Variants in SCMH1 observed in about 807,000 individuals in gnomAD.
SCMH1 encodes polycomb protein SCMH1.
Under a neutral mutation model 70.8 loss-of-function variants are expected in SCMH1, and 37 were observed. The ratio of observed to expected loss-of-function variants is 0.52; its 90% CI spans 0.40 to 0.69. The LOEUF (loss-of-function observed/expected upper bound fraction) is 0.69, where lower values mean the gene tolerates loss of function less well. SCMH1 is among the 30% of genes least tolerant of loss of function. The pLI, the probability that SCMH1 is intolerant of heterozygous loss-of-function variation, is 0.00. For missense variants in SCMH1, 607 were observed against 827.3 expected, an observed-to-expected ratio of 0.73 and a Z score of 3.27; for synonymous variants, 292 against 307.4, an observed-to-expected ratio of 0.95 and a Z score of 0.52.
At chr1:41,033,864 A>G (rs1295551805) in intron 13 of SCMH1, 119 bp downstream of exon 14, 4 of 1,433,196 alleles carry the variant, frequency 2.8e-6, no homozygotes, top group Non-Finnish European at 1.9e-6. Context: ...AAAATTGGAG[A>G]TGCTTAGGGA....
In SCMH1 at chr1:41,161,501, G is replaced by A. The variant is rs553945516; in HGVS notation, c.14-69C>T. On this transcript the variant is annotated intron_variant, in intron 2 of 14. Transcript: ENST00000337495. Reference sequence around the variant, plus strand: ...GATTAAATACTTTTCCAATTTGGCAGTATGTATTAACAGTTTTTAATAAAG... The same window carrying A: ...GATTAAATACTTTTCCAATTTGGCAATATGTATTAACAGTTTTTAATAAAG... 117 of 1,488,152 alleles carry A rather than the reference G, an allele frequency of 7.9e-5. No individual in the cohort carries two copies. In the South Asian group the frequency reaches 1.4e-3, roughly 18 times the overall value. The allele number at this position is 1,488,152 out of a possible 1,614,324, so 92.2% of individuals were successfully genotyped here. A position where few individuals can be genotyped will look rare whatever the true frequency, so the allele number is the denominator to read the frequency against.
intron 1 of SCMH1, among the ~76,000 whole-genome samples, chr1:41,208,418 G>A (rs1399556450): frequency 8.6e-6 from 1 of 116,366 alleles, no homozygotes; most frequent in Non-Finnish European, 1.8e-5. Context: ...CTAAAACTTA[G>A]AGTATAAGAA....
intron 1 of SCMH1, among the ~76,000 whole-genome samples, chr1:41,210,148 C>T (rs187068356): frequency 2.0e-5 from 3 of 152,278 alleles, no homozygotes; most frequent in African/African-American, 7.2e-5. Flanking sequence ...ATCCAACTTA[C>T]AAGGGATGTG....
chr1:41,089,160 T>C (rs967224608), intron 8 of SCMH1, among the ~76,000 whole-genome samples: 30 of 152,368 alleles, frequency 2.0e-4, no homozygotes, highest in African/African-American at 7.2e-4. Flanking sequence ...CTTTAAATTC[T>C]ACCTATAATT....
chr1:41,028,055 T>C, exon 15 of SCMH1: 1 of 964,550 alleles, frequency 1.0e-6, no homozygotes. Context: ...TGGCTAGGAG[T>C]GGTGGCTCCA....
exon 6 of SCMH1, chr1:41,143,022 C>T: frequency 6.2e-7 from 1 of 1,614,166 alleles, no homozygotes; most frequent in Non-Finnish European, 8.5e-7. Flanking sequence ...AGTCCAACTA[C>T]TGTGGCAATA....
chr1:41,037,488 C>CT lies in SCMH1; in HGVS notation c.1551dup (p.Asp518ArgfsTer77), dbSNP rs780807754. ...GGATTTGAGGCAGAGTCCATTGAGTCTGAGTGTGGTTCCAAGGAGCGGGCC... is the reference window on the plus strand; with the variant it reads ...GGATTTGAGGCAGAGTCCATTGAGTCTTGAGTGTGGTTCCAAGGAGCGGGCC... On this transcript the variant is annotated frameshift_variant, in exon 13 of 15. Coordinates refer to ENST00000337495, the Ensembl canonical transcript of SCMH1. LOFTEE classifies it high-confidence loss of function. The CT allele has an allele frequency of 6.2e-7, 1 of 1,614,232 alleles. No individual in the cohort carries two copies. The highest frequency in any genetic ancestry group is 8.5e-7 in the Non-Finnish European group (1 of 1,180,040).
rs534014591 is a variant in SCMH1, at chr1:41,131,142, A to G, written c.412+11736T>C. Among the ~76,000 whole-genome samples the G allele has an allele frequency of 2.6e-5, 4 of 152,308 alleles. No homozygotes were observed. In the East Asian group the frequency reaches 7.7e-4, roughly 29 times the overall value. On this transcript the variant is annotated intron_variant, in intron 6 of 14. Transcript: ENST00000337495. ...TGTGAATATCCATTTGTTCCTCACC[A>G]GCTGTTGAAAATCACATTGAACTGT...
At position 41,049,036 on chromosome 1, in the gene SCMH1, T is replaced by C; in HGVS notation, c.1106-146A>G. On this transcript the variant is annotated intron_variant, in intron 10 of 14. Transcript: ENST00000337495. ...TGAGCTGGTGAAATGCTGTGGGAGG[T>C]AGAGGGTGGAGGGTCAAGAAAAGGC... 5.3e-6 allele frequency: 4 copies of C among 760,426 alleles called. No homozygotes were observed. In the South Asian group the frequency reaches 7.6e-5, roughly 15 times the overall value. 47.1% of individuals were successfully genotyped at this position (760,426 alleles called of 1,614,324 possible). A position where few individuals can be genotyped will look rare whatever the true frequency, so the allele number is the denominator to read the frequency against.
At chr1:41,119,908 G>C (rs907922070) in intron 6 of SCMH1, among the ~76,000 whole-genome samples, 1 of 151,918 alleles carries the variant, frequency 6.6e-6, no homozygotes, top group African/African-American at 2.4e-5. Context: ...CTCTTCTTTT[G>C]ACAATGGTTT....
intron 1 of SCMH1, among the ~76,000 whole-genome samples, chr1:41,223,884 T>C (rs1659758657): frequency 6.6e-6 from 1 of 152,112 alleles, no homozygotes; most frequent in South Asian, 2.1e-4. Flanking sequence ...ATAGTCTTTG[T>C]TTTCTGCTCA....
chr1:41,141,458 T>C (rs1644065268), intron 6 of SCMH1, among the ~76,000 whole-genome samples: 1 of 152,198 alleles, frequency 6.6e-6, no homozygotes, highest in Non-Finnish European at 1.5e-5. Flanking sequence ...TACATTATAT[T>C]ACATTATAAA....
chr1:41,209,520 A>T (rs1656478976), intron 1 of SCMH1, among the ~76,000 whole-genome samples: 1 of 152,196 alleles, frequency 6.6e-6, no homozygotes, highest in African/African-American at 2.4e-5. Flanking sequence ...TATCCACCAC[A>T]ATCAAGTCGG....
chr1:41,178,177 C>G (rs1647544202), intron 2 of SCMH1, among the ~76,000 whole-genome samples: 1 of 152,122 alleles, frequency 6.6e-6, no homozygotes, highest in Non-Finnish European at 1.5e-5. Context: ...CCTTTACAGA[C>G]AAGCAAATGC....
At chr1:41,161,734 G>C (rs1646048772) in intron 2 of SCMH1, among the ~76,000 whole-genome samples, 1 of 152,068 alleles carries the variant, frequency 6.6e-6, no homozygotes, top group Non-Finnish European at 1.5e-5. Context: ...AGAACAAATG[G>C]GAAAATGGTT....
At chr1:41,118,141 T>A (rs1231743633) in intron 6 of SCMH1, among the ~76,000 whole-genome samples, 1 of 152,164 alleles carries the variant, frequency 6.6e-6, no homozygotes, top group Non-Finnish European at 1.5e-5. Flanking sequence ...CACAGACTGT[T>A]AAGAAAGGAC....
intron 6 of SCMH1, among the ~76,000 whole-genome samples, chr1:41,124,315 G>C (rs1672652455): frequency 6.6e-6 from 1 of 151,980 alleles, no homozygotes; most frequent in Non-Finnish European, 1.5e-5. Flanking sequence ...ATCACACTCA[G>C]GAAATTTAAT....
intron 5 of SCMH1, among the ~76,000 whole-genome samples, chr1:41,147,948 A>C (rs960963709): frequency 2.0e-5 from 3 of 152,160 alleles, no homozygotes; most frequent in Non-Finnish European, 4.4e-5. Context: ...GGCAGTATAT[A>C]ATTGGGTTTT....
intron 8 of SCMH1, among the ~76,000 whole-genome samples, chr1:41,100,753 A>T (rs1666395327): frequency 6.6e-6 from 1 of 152,034 alleles, no homozygotes; most frequent in Non-Finnish European, 1.5e-5. Context: ...TTTAGTACAG[A>T]CAGGGTTTCA....
Sources: gnomAD v4.1 joint callset for allele counts (sites outside exome capture counted in the v4.1 genomes callset) on GRCh38, gnomAD v4.1.1 for gene constraint, MANE v1.5 for transcripts, NCBI Gene and HGNC (gene_info 2026-07-23, HGNC 2026-07-21) for gene names.